Variants in PDGFRL observed in about 807,000 individuals in gnomAD.
PDGFRL encodes the protein platelet derived growth factor receptor like.
Under a neutral mutation model 37.2 loss-of-function variants are expected in PDGFRL, and 46 were observed. The ratio of observed to expected loss-of-function variants is 1.24; its 90% CI spans 0.98 to 1.58. The LOEUF is 1.58. PDGFRL is among the 40% of genes most tolerant of loss of function. The pLI is 0.00. For missense variants in PDGFRL, 692 were observed against 467.6 expected (o/e 1.48, Z -4.43); for synonymous variants, 251 against 184.3 (o/e 1.36, Z -2.93).
intron 2 of PDGFRL, among the ~76,000 whole-genome samples, chr8:17,601,455 G>T (rs117938980): frequency 7.3e-4 from 106 of 146,140 alleles, no homozygotes; most frequent in Middle Eastern, 3.6e-3. Flanking sequence ...CCCCGTTTTT[G>T]TTTTTTTTTT....
chr8:17,596,886 G>A (rs755252151), intron 2 of PDGFRL, among the ~76,000 whole-genome samples: 1 of 152,212 alleles, frequency 6.6e-6, no homozygotes, highest in East Asian at 1.9e-4. Flanking sequence ...TTCCCAGAAC[G>A]TGGTGCCTTT....
intron 1 of PDGFRL, among the ~76,000 whole-genome samples, chr8:17,582,910 G>A (rs1471205007): frequency 2.0e-5 from 3 of 152,038 alleles, no homozygotes; most frequent in African/African-American, 7.3e-5. Context: ...CTCTTCTGCC[G>A]TGCACCACCT....
intron 2 of PDGFRL, among the ~76,000 whole-genome samples, chr8:17,616,776 C>T (rs1804538869): frequency 6.6e-6 from 1 of 152,114 alleles, no homozygotes; most frequent in African/African-American, 2.4e-5. Flanking sequence ...TCCCTCCTGT[C>T]CTCTCCAGCA....
At chr8:17,613,237 G>C (rs1804458069) in intron 2 of PDGFRL, among the ~76,000 whole-genome samples, 1 of 152,160 alleles carries the variant, frequency 6.6e-6, no homozygotes, top group Non-Finnish European at 1.5e-5. Flanking sequence ...TTTTCTGTTG[G>C]GAGGATCGCT....
rs1804782531 is a variant in PDGFRL at position 17,628,490 on chromosome 8, AAGG to A, written c.512_514del (p.Gly171del). On this transcript the variant is annotated inframe_deletion, in exon 4 of 6. Coordinates refer to ENST00000251630, the MANE Select transcript of PDGFRL (RefSeq NM_001372073.1). ...TGTGTCTTCCTTCCCTTTGCAGAGA[AAGG>A]AGAACTCTTTGTACCTTCTCCCAGC... is the stretch of plus-strand genomic sequence containing the variant. 6.2e-7 allele frequency: 1 copy of A among 1,612,256 alleles called. No individual in the cohort carries two copies. Among genetic ancestry groups the A allele is most frequent in the Admixed American group, 1.7e-5 (1 of 59,996 alleles).
At chr8:17,631,801 C>T (rs193203672) in intron 4 of PDGFRL, among the ~76,000 whole-genome samples, 1 of 152,212 alleles carries the variant, frequency 6.6e-6, no homozygotes, top group African/African-American at 2.4e-5. Flanking sequence ...CCACCTCCCC[C>T]ACAGCTTTCT....
chr8:17,592,025 C>G (rs540196208), intron 2 of PDGFRL, among the ~76,000 whole-genome samples: 1 of 152,290 alleles, frequency 6.6e-6, no homozygotes, highest in African/African-American at 2.4e-5. Flanking sequence ...ATTCATCTCC[C>G]TCAAGGACAT....
In PDGFRL at chr8:17,583,402, G is replaced by T. The variant is rs557012938; in HGVS notation, c.56-6066G>T. 8.4e-4 allele frequency among the ~76,000 whole-genome samples: 128 copies of T among 152,300 alleles called. 1 individual carries two copies. The highest frequency in any genetic ancestry group is 2.8e-3 in the African/African-American group (117 of 41,536). On this transcript the variant is annotated intron_variant, in intron 1 of 5. Transcript: ENST00000251630. ...AGTTAGAGGGGTGGGGAGGGCGAAG[G>T]CTTGTTTTTGATTTTCCAGGCTCAC...
intron 1 of PDGFRL, among the ~76,000 whole-genome samples, chr8:17,586,344 T>C (rs1265504417): frequency 6.6e-6 from 1 of 152,160 alleles, no homozygotes; most frequent in African/African-American, 2.4e-5. Context: ...AAGAGGAGGC[T>C]GTCATCCCCA....
chr8:17,594,854 T>G (rs1804018754), intron 2 of PDGFRL, among the ~76,000 whole-genome samples: 1 of 152,252 alleles, frequency 6.6e-6, no homozygotes, highest in Non-Finnish European at 1.5e-5. Context: ...ACTACATTTT[T>G]GTAATCCATC....
chr8:17,635,039 C>T (rs1373945429), intron 5 of PDGFRL, among the ~76,000 whole-genome samples: 7 of 152,096 alleles, frequency 4.6e-5, no homozygotes, highest in African/African-American at 1.7e-4. Flanking sequence ...TTCCTCCTGC[C>T]CCCACCTCAG....
intron 1 of PDGFRL, among the ~76,000 whole-genome samples, chr8:17,581,605 G>A (rs551684212): frequency 6.6e-6 from 1 of 152,150 alleles, no homozygotes; most frequent in Admixed American, 6.5e-5. Context: ...GCCTTCCCTT[G>A]GGGATGTGTG....
At chr8:17,629,084 AC>A (rs1289835584) in intron 4 of PDGFRL, among the ~76,000 whole-genome samples, 1 of 131,708 alleles carries the variant, frequency 7.6e-6, no homozygotes, top group African/African-American at 2.9e-5. Context: ...TGCCCTGCTA[AC>A]TTTTTTTTTT....
At position 17,610,955 on chromosome 8, in the gene PDGFRL, A is replaced by G. The variant is rs138540331; in HGVS notation, c.354-10096A>G. ...GATGATTTCGTTGTTATTTCCATGCATTTCTCTACATGGTGAGTGCCTATC... is the reference window on the plus strand; with the variant it reads ...GATGATTTCGTTGTTATTTCCATGCGTTTCTCTACATGGTGAGTGCCTATC... On this transcript the variant is annotated intron_variant, in intron 2 of 5. Transcript: ENST00000251630. Among the ~76,000 whole-genome samples the G allele has an allele frequency of 1.6e-3, 239 of 152,310 alleles. 1 individual carries two copies. The highest frequency in any genetic ancestry group is 5.6e-3 in the African/African-American group (231 of 41,586).
At chr8:17,614,373 C>T (rs914300322) in intron 2 of PDGFRL, among the ~76,000 whole-genome samples, 3 of 152,116 alleles carry the variant, frequency 2.0e-5, no homozygotes, top group African/African-American at 7.2e-5. Flanking sequence ...GGCACGTTTC[C>T]TGCATATCAT....
At chr8:17,590,666 C>G (rs10094306) in intron 2 of PDGFRL, among the ~76,000 whole-genome samples, 1,740 of 151,788 alleles carry the variant, frequency 0.011, 35 homozygotes, top group African/African-American at 0.04. Context: ...GAGCCGAGTT[C>G]GTACCACCGC....
intron 2 of PDGFRL, 78 bp from the exon 3 acceptor site, chr8:17,620,973 C>T: frequency 9.6e-7 from 1 of 1,041,946 alleles, no homozygotes. Context: ...GCCCAGAGAA[C>T]AGTGGAGCCG....
intron 5 of PDGFRL, among the ~76,000 whole-genome samples, chr8:17,639,065 A>C (rs1463748862): frequency 2.0e-5 from 3 of 151,732 alleles, no homozygotes; most frequent in South Asian, 4.2e-4. Context: ...AACAAAACAA[A>C]CAAAAAGAAT....
At chr8:17,628,841 T>A in intron 4 of PDGFRL, 61 bp downstream of exon 4, 1 of 1,139,946 alleles carries the variant, frequency 8.8e-7, no homozygotes, top group South Asian at 1.3e-5. Flanking sequence ...CAGGTACTGC[T>A]GTTCCCTGCC....
Sources: gnomAD v4.1 joint callset for allele counts (sites outside exome capture counted in the v4.1 genomes callset) on GRCh38, gnomAD v4.1.1 for gene constraint, MANE v1.5 for transcripts, NCBI Gene and HGNC (gene_info 2026-07-23, HGNC 2026-07-21) for gene names.